Variants in KDM2A observed in about 807,000 individuals in gnomAD.
KDM2A encodes lysine-specific demethylase 2A.
A neutral mutation model predicts 137.3 loss-of-function variants in KDM2A; 3 were observed. That is an observed-to-expected ratio of 0.02 (90% CI 0.01 to 0.06). The LOEUF is 0.06. Among genes scored for constraint, KDM2A ranks in the 10% least tolerant of loss-of-function variants. The pLI is 1.00. For synonymous variants in KDM2A, 512 were observed against 541.5 expected (o/e 0.95, Z 0.76); for missense variants, 738 against 1,510.6 (o/e 0.49, Z 8.48).
At chr11:67,177,192 G>A (rs1856989655) in intron 2 of KDM2A, among the ~76,000 whole-genome samples, 1 of 152,026 alleles carries the variant, frequency 6.6e-6, no homozygotes, top group African/African-American at 2.4e-5. Context: ...CTTGAACCCG[G>A]GAGGTGGAGG....
chr11:67,138,844 T>C (rs1272911848), intron 2 of KDM2A, among the ~76,000 whole-genome samples: 2 of 152,194 alleles, frequency 1.3e-5, no homozygotes, highest in Non-Finnish European at 2.9e-5. Flanking sequence ...TTCTGATAGA[T>C]GGTAAAGTTT....
At chr11:67,216,261 G>A (rs1858157429) in intron 8 of KDM2A, among the ~76,000 whole-genome samples, 1 of 152,132 alleles carries the variant, frequency 6.6e-6, no homozygotes, top group African/African-American at 2.4e-5. Context: ...GATAATTTCT[G>A]TACTTGGAAG....
At position 67,248,268 on chromosome 11, in the gene KDM2A, T is replaced by C. The variant is rs1241327031; in HGVS notation, c.1966-13T>C. On this transcript the variant is annotated splice_polypyrimidine_tract_variant and intron_variant, in intron 15 of 20. Transcript: ENST00000529006. Reference sequence around the variant, plus strand: ...AGAGACAGGCTTTTAAAAACATCTCTGTCTTCCTATAGATGGACGGAGAGG... The same window carrying C: ...AGAGACAGGCTTTTAAAAACATCTCCGTCTTCCTATAGATGGACGGAGAGG... 1.9e-6 allele frequency: 3 copies of C among 1,581,680 alleles called. No individual in the cohort carries two copies. Among genetic ancestry groups the C allele is most frequent in the Non-Finnish European group, 1.7e-6 (2 of 1,157,620 alleles).
intron 2 of KDM2A, among the ~76,000 whole-genome samples, chr11:67,175,873 A>G (rs1317911764): frequency 1.3e-5 from 2 of 152,208 alleles, no homozygotes; most frequent in African/African-American, 4.8e-5. Context: ...CTTGCTTTAT[A>G]ATGTGCTTGG....
Position 67,207,681 on chromosome 11 carries a change from C to A in KDM2A, c.479C>A (p.Pro160His). The A allele has an allele frequency of 6.2e-7, 1 of 1,603,264 alleles. No homozygotes were observed. Residue 160 changes from proline (P) to histidine (H), a missense_variant, in exon 6 of 21, where the codon CCC becomes CAC. By Grantham distance (77) the Pro-to-His change is moderately conservative. Coordinates refer to ENST00000529006, the MANE Select transcript of KDM2A (RefSeq NM_012308.3). ...AGGCTGGAGAATATGGTGCAGAGGC[C>A]CTCCACGGTTAGTGTAATCATTTTC... The part of the protein sequence containing the change: ...HTRLENMVQR[P>H]STVDFIDWVD...
At chr11:67,144,688 T>G (rs1856202681) in intron 2 of KDM2A, among the ~76,000 whole-genome samples, 1 of 151,530 alleles carries the variant, frequency 6.6e-6, no homozygotes, top group African/African-American at 2.4e-5. Flanking sequence ...CTCAGCCTCC[T>G]GAGTAACTGG....
intron 12 of KDM2A, chr11:67,240,495 G>T: frequency 1.3e-6 from 1 of 772,634 alleles, no homozygotes; most frequent in Non-Finnish European, 2.0e-6. Context: ...ATGTTACTTC[G>T]TGTTGCTTGA....
At chr11:67,247,037 T>TATATA (rs1859242398) in intron 15 of KDM2A, among the ~76,000 whole-genome samples, 1 of 33,078 alleles carries the variant, frequency 3.0e-5, no homozygotes, top group African/African-American at 1.1e-4. Context: ...ATAAATTATT[T>TATATA]TATATATATA....
At chr11:67,207,142 G>A (rs968439188) in intron 5 of KDM2A, among the ~76,000 whole-genome samples, 1 of 152,180 alleles carries the variant, frequency 6.6e-6, no homozygotes, top group Non-Finnish European at 1.5e-5. Flanking sequence ...CTTGACTCTA[G>A]AGTGAGCCTG....
At chr11:67,142,482 C>G (rs2136295830) in intron 2 of KDM2A, among the ~76,000 whole-genome samples, 1 of 146,840 alleles carries the variant, frequency 6.8e-6, no homozygotes, top group African/African-American at 2.5e-5. Context: ...GAAACCCTGC[C>G]TCTACTAAAA....
At chr11:67,122,781 T>G (rs556282804) in intron 2 of KDM2A, among the ~76,000 whole-genome samples, 98 of 152,024 alleles carry the variant, frequency 6.4e-4, no homozygotes, top group African/African-American at 2.2e-3. Flanking sequence ...GTTCACACCA[T>G]TCTCCTGCCT....
At chr11:67,194,914 A>G (rs933289141) in intron 5 of KDM2A, among the ~76,000 whole-genome samples, 5 of 152,214 alleles carry the variant, frequency 3.3e-5, no homozygotes, top group African/African-American at 1.2e-4. Context: ...TGGAGAGTGG[A>G]TGACTTCCTG....
rs958668349 is a variant in KDM2A, at chr11:67,250,950, A to C, written c.2768+152A>C. Among the ~76,000 whole-genome samples the C allele has an allele frequency of 6.6e-6, 1 of 152,142 alleles. No homozygotes were observed. Among genetic ancestry groups the C allele is most frequent in the African/African-American group, 2.4e-5 (1 of 41,416 alleles). ...TTTTCCCAAACTTTGGGTCCTGTTTAAAGATGTAGCCTGTTGTACCCGCAG... is the reference window on the plus strand; with the variant it reads ...TTTTCCCAAACTTTGGGTCCTGTTTCAAGATGTAGCCTGTTGTACCCGCAG... On this transcript the variant is annotated intron_variant, in intron 17 of 20. Coordinates refer to ENST00000529006, the MANE Select transcript of KDM2A (RefSeq NM_012308.3). The surrounding 1 kb of genome is among the most constrained non-coding windows in gnomAD (Gnocchi z 7.1).
At chr11:67,121,149 A>G (rs900591867) in intron 1 of KDM2A, 85 bp from the exon 2 acceptor site, 14 of 625,590 alleles carry the variant, frequency 2.2e-5, no homozygotes, top group African/African-American at 1.8e-4. Flanking sequence ...AGCCTTTAAC[A>G]CTTACCTTAA....
At chr11:67,186,274 A>G (rs1565394116) in intron 5 of KDM2A, among the ~76,000 whole-genome samples, 1 of 152,310 alleles carries the variant, frequency 6.6e-6, no homozygotes, top group East Asian at 1.9e-4. Flanking sequence ...TTCATTACAT[A>G]AAGGTATCCT....
intron 6 of KDM2A, among the ~76,000 whole-genome samples, chr11:67,212,815 C>T (rs1207467762): frequency 2.0e-5 from 3 of 151,998 alleles, no homozygotes; most frequent in South Asian, 2.1e-4. Flanking sequence ...TGTTCTGAAC[C>T]GTTCCTCTCC....
chr11:67,249,548 A>G (rs974868280), intron 16 of KDM2A, among the ~76,000 whole-genome samples: 1 of 152,234 alleles, frequency 6.6e-6, no homozygotes, highest in Non-Finnish European at 1.5e-5. Context: ...CAAATGCCAC[A>G]GATAAAGTTG....
chr11:67,207,352 G>A (rs1338589272), intron 5 of KDM2A, among the ~76,000 whole-genome samples, 158 bp from the exon 6 acceptor site: 2 of 152,116 alleles, frequency 1.3e-5, no homozygotes, highest in Non-Finnish European at 2.9e-5. Context: ...CCCATTCTTT[G>A]TGATTTGATT....
intron 2 of KDM2A, among the ~76,000 whole-genome samples, chr11:67,122,140 G>A (rs1289092146): frequency 1.3e-5 from 2 of 152,190 alleles, no homozygotes. Flanking sequence ...AGTGGGCTAT[G>A]AGGAAAGCGA....
Sources: allele counts gnomAD v4.1 joint callset (sites outside exome capture counted in the v4.1 genomes callset), GRCh38; gene constraint gnomAD v4.1.1; non-coding constraint Gnocchi (gnomAD v3.1); transcripts MANE v1.5; gene names NCBI Gene and HGNC (gene_info 2026-07-23, HGNC 2026-07-21).